TMEM131: variants seen among roughly 807,000 people sequenced by gnomAD.
The protein encoded by TMEM131 is transmembrane protein 131.
In TMEM131, 66 loss-of-function variants were observed where a neutral mutation model predicts 211.6. That is an observed-to-expected ratio of 0.31 (90% confidence interval 0.26 to 0.38). The LOEUF is 0.38. Among genes scored for constraint, TMEM131 ranks in the 10% least tolerant of loss-of-function variants. The pLI, the probability that TMEM131 is intolerant of heterozygous loss-of-function variation, is 1.00. For synonymous variants in TMEM131, 844 were observed against 841.3 expected (o/e 1.00, Z -0.06); for missense variants, 2,036 against 2,299.3 (o/e 0.89, Z 2.34).
chr2:97,820,771 A>G (rs1016582255), intron 11 of TMEM131, among the ~76,000 whole-genome samples: 1 of 151,732 alleles, frequency 6.6e-6, no homozygotes, highest in Non-Finnish European at 1.5e-5. Flanking sequence ...GCAGATAACT[A>G]CTTGAATCCG....
intron 1 of TMEM131, among the ~76,000 whole-genome samples, chr2:97,955,034 T>C (rs1194868582): frequency 1.3e-5 from 2 of 152,184 alleles, no homozygotes; most frequent in Non-Finnish European, 2.9e-5. Context: ...AAAATTTTTT[T>C]AAAACTATAG....
chr2:97,817,147 C>T (rs753944771), intron 12 of TMEM131, among the ~76,000 whole-genome samples: 7 of 151,824 alleles, frequency 4.6e-5, no homozygotes, highest in Non-Finnish European at 7.3e-5. Context: ...CTAATGACAT[C>T]GCATTTATCT....
intron 32 of TMEM131, among the ~76,000 whole-genome samples, chr2:97,772,874 C>T (rs1031221530): frequency 6.6e-6 from 1 of 152,136 alleles, no homozygotes; most frequent in Non-Finnish European, 1.5e-5. Flanking sequence ...TCAGCCTGGG[C>T]GACAGAGCGA....
intron 1 of TMEM131, among the ~76,000 whole-genome samples, chr2:97,957,552 G>C (rs140521603): frequency 1.3e-5 from 2 of 152,142 alleles, no homozygotes; most frequent in Non-Finnish European, 2.9e-5. Context: ...TCATAGGATG[G>C]GGAGAGGCAA....
intron 31 of TMEM131, among the ~76,000 whole-genome samples, chr2:97,784,496 C>T (rs900906373): frequency 6.6e-6 from 1 of 151,904 alleles, no homozygotes; most frequent in African/African-American, 2.4e-5. Flanking sequence ...AAGCAACACA[C>T]TTCTAAATTA....
intron 2 of TMEM131, among the ~76,000 whole-genome samples, chr2:97,926,527 T>C (rs1047995148): frequency 1.3e-5 from 2 of 152,224 alleles, no homozygotes; most frequent in African/African-American, 4.8e-5. Context: ...AGCATCTCAA[T>C]ATTAGACATT....
intron 3 of TMEM131, among the ~76,000 whole-genome samples, chr2:97,897,608 G>T (rs766821483): frequency 4.6e-5 from 7 of 152,106 alleles, no homozygotes; most frequent in Non-Finnish European, 8.8e-5. Flanking sequence ...TGTTGGCCAT[G>T]ATGCATTACC....
intron 1 of TMEM131, among the ~76,000 whole-genome samples, chr2:97,982,228 T>C (rs1044493583): frequency 7.2e-5 from 11 of 152,232 alleles, no homozygotes; most frequent in Non-Finnish European, 1.5e-4. Flanking sequence ...TTGGTGGGTG[T>C]GAAATGGAAT....
At chr2:97,780,843 T>C (rs1679960859) in intron 31 of TMEM131, among the ~76,000 whole-genome samples, 1 of 152,068 alleles carries the variant, frequency 6.6e-6, no homozygotes. Flanking sequence ...ACAAGCTGAA[T>C]GGAGAAGCGG....
chr2:97,953,683 C>T (rs754166303), intron 1 of TMEM131, among the ~76,000 whole-genome samples: 1 of 152,208 alleles, frequency 6.6e-6, no homozygotes. Context: ...CTCCAGAACA[C>T]TCCACCCTAC....
chr2:97,794,331 C>T (rs113250778), intron 29 of TMEM131, among the ~76,000 whole-genome samples: 9 of 152,210 alleles, frequency 5.9e-5, no homozygotes, highest in African/African-American at 2.2e-4. Context: ...CCACCGTGCC[C>T]GGCCTGCTCA....
intron 11 of TMEM131, among the ~76,000 whole-genome samples, chr2:97,832,976 A>G (rs1385649172): frequency 1.3e-5 from 2 of 152,120 alleles, no homozygotes; most frequent in Non-Finnish European, 2.9e-5. Flanking sequence ...TTTCTTCCCA[A>G]TTCATCTGAC....
intron 31 of TMEM131, among the ~76,000 whole-genome samples, chr2:97,779,629 C>A (rs1236494058): frequency 1.3e-5 from 2 of 152,168 alleles, no homozygotes; most frequent in African/African-American, 4.8e-5. Context: ...ATTCTATGGC[C>A]CCATTCCAGA....
At chr2:97,795,785 T>C (rs1680733259) in intron 28 of TMEM131, among the ~76,000 whole-genome samples, 1 of 152,162 alleles carries the variant, frequency 6.6e-6, no homozygotes, top group Non-Finnish European at 1.5e-5. Flanking sequence ...ATTACTGAGA[T>C]AGGTATTAAA....
chr2:97,863,361 G>A (rs749134037), intron 4 of TMEM131, among the ~76,000 whole-genome samples: 5 of 152,048 alleles, frequency 3.3e-5, no homozygotes, highest in Non-Finnish European at 7.4e-5. Context: ...GTAATACTCC[G>A]CAAGCACCAG....
At chr2:97,925,545 T>C (rs929112679) in intron 2 of TMEM131, among the ~76,000 whole-genome samples, 1 of 152,196 alleles carries the variant, frequency 6.6e-6, no homozygotes, top group African/African-American at 2.4e-5. Flanking sequence ...ATAATTTATA[T>C]TCATAACAAG....
At chr2:97,917,040 T>A (rs1349565529) in intron 2 of TMEM131, among the ~76,000 whole-genome samples, 1 of 152,174 alleles carries the variant, frequency 6.6e-6, no homozygotes, top group Non-Finnish European at 1.5e-5. Flanking sequence ...CAAGTCAAAA[T>A]CACAGCTCCT....
At chr2:97,971,659 T>C (rs533433535) in intron 1 of TMEM131, among the ~76,000 whole-genome samples, 4 of 152,334 alleles carry the variant, frequency 2.6e-5, no homozygotes, top group African/African-American at 9.6e-5. Context: ...AGGTTTGTAG[T>C]CTCATTGTTT....
At chr2:97,978,117 T>A in intron 1 of TMEM131, among the ~76,000 whole-genome samples, 1 of 151,842 alleles carries the variant, frequency 6.6e-6, no homozygotes, top group East Asian at 1.9e-4. Context: ...ATAATAATAA[T>A]AAAAAACAGC....
Sources: allele counts gnomAD v4.1 joint callset (sites outside exome capture counted in the v4.1 genomes callset), GRCh38; gene constraint gnomAD v4.1.1; transcripts MANE v1.5; gene names NCBI Gene and HGNC (gene_info 2026-07-23, HGNC 2026-07-21).